The following SH3BP5 variants were observed in gnomAD, a reference collection of about 807,000 sequenced individuals.
SH3BP5 encodes SH3 domain-binding protein 5.
Under a neutral mutation model 43.3 loss-of-function variants are expected in SH3BP5, and 22 were observed. That is an observed-to-expected ratio of 0.51 (90% CI 0.36 to 0.73). SH3BP5 has a LOEUF of 0.73. Ranked by LOEUF, SH3BP5 falls within the 30% of genes least tolerant of loss-of-function variation. The pLI, the probability that SH3BP5 is intolerant of heterozygous loss-of-function variation, is 0.00. For missense variants in SH3BP5, 529 were observed against 586.9 expected, an observed-to-expected ratio of 0.90 and a Z score of 1.02; for synonymous variants, 255 against 225.8, an observed-to-expected ratio of 1.13 and a Z score of -1.16.
intron 3 of SH3BP5, among the ~76,000 whole-genome samples, chr3:15,290,943 CAG>C (rs1697395791): frequency 6.6e-6 from 1 of 151,974 alleles, no homozygotes; most frequent in African/African-American, 2.4e-5. Flanking sequence ...CTGGAGAAGA[CAG>C]GGGAAGACAC....
At chr3:15,296,372 C>T (rs1697573169) in intron 3 of SH3BP5, among the ~76,000 whole-genome samples, 1 of 139,834 alleles carries the variant, frequency 7.2e-6, no homozygotes, top group South Asian at 2.3e-4. Context: ...ACACACACCC[C>T]TATCCAGGTC....
At chr3:15,322,540 C>G (rs960732582) in intron 2 of SH3BP5, among the ~76,000 whole-genome samples, 1 of 152,130 alleles carries the variant, frequency 6.6e-6, no homozygotes, top group African/African-American at 2.4e-5. Context: ...TCAGTCTGTC[C>G]AAGAACAGCC....
Position 15,285,398 on chromosome 3 carries a change from T to A in SH3BP5, c.331-15521A>T, listed in dbSNP as rs137987557. Among the ~76,000 whole-genome samples the A allele has an allele frequency of 9.3e-4, 142 of 152,324 alleles. 2 individuals carry two copies. Among genetic ancestry groups the A allele is most frequent in the Middle Eastern group, 3.4e-3 (1 of 292 alleles). ...AGATCTAACTCATTCCCCGCTCCGC[T>A]CAACCTCACCCCTTCCAAGCTGGGC... On this transcript the variant is annotated intron_variant, in intron 3 of 8. Coordinates refer to ENST00000383791, the MANE Select transcript of SH3BP5 (RefSeq NM_004844.5).
At chr3:15,294,330 T>TGCGC (rs71045148) in intron 3 of SH3BP5, among the ~76,000 whole-genome samples, 1,674 of 121,498 alleles carry the variant, frequency 0.014, 25 homozygotes, top group Non-Finnish European at 0.015. Context: ...TGTGTGTGTG[T>TGCGC]GCGCGCGCAT....
chr3:15,323,163 T>G (rs568031791), intron 2 of SH3BP5, among the ~76,000 whole-genome samples: 6 of 144,056 alleles, frequency 4.2e-5, no homozygotes, highest in African/African-American at 7.7e-5. Flanking sequence ...AATAAATAAA[T>G]AAAGCAGGGC....
At chr3:15,311,323 T>C (rs1187692525) in intron 2 of SH3BP5, among the ~76,000 whole-genome samples, 1 of 152,124 alleles carries the variant, frequency 6.6e-6, no homozygotes, top group Non-Finnish European at 1.5e-5. Context: ...CCCAGCACTT[T>C]GGGAGGCTGC....
intron 2 of SH3BP5, among the ~76,000 whole-genome samples, chr3:15,312,609 G>C (rs1019763166): frequency 6.6e-6 from 1 of 152,128 alleles, no homozygotes; most frequent in African/African-American, 2.4e-5. Context: ...AGCAGTTGTT[G>C]CTTCTCAGAT....
intron 1 of SH3BP5, chr3:15,339,684 T>A (rs1698740593): frequency 6.6e-6 from 1 of 152,048 alleles, no homozygotes; most frequent in African/African-American, 2.4e-5. Flanking sequence ...CACTCCAGCC[T>A]GGGTGACAGA....
chr3:15,293,805 C>A (rs1398284499), intron 3 of SH3BP5, among the ~76,000 whole-genome samples: 1 of 152,104 alleles, frequency 6.6e-6, no homozygotes, highest in Non-Finnish European at 1.5e-5. Flanking sequence ...AGGCCGGACG[C>A]AGTGGCTCAC....
intron 2 of SH3BP5, among the ~76,000 whole-genome samples, chr3:15,312,496 C>T (rs910057054): frequency 6.6e-6 from 1 of 152,156 alleles, no homozygotes; most frequent in African/African-American, 2.4e-5. Context: ...GGGGGACCTG[C>T]AGCCAAAAAA....
chr3:15,272,858 G>T (rs1407638042), intron 3 of SH3BP5, among the ~76,000 whole-genome samples: 1 of 152,196 alleles, frequency 6.6e-6, no homozygotes, highest in Non-Finnish European at 1.5e-5. Flanking sequence ...CCTGGGACCA[G>T]TCGCCCACTT....
At chr3:15,332,892 A>G (rs73027568), upstream of SH3BP5, among the ~76,000 whole-genome samples, 23,897 of 152,214 alleles carry the variant, frequency 0.16, 1,966 homozygotes, top group Middle Eastern at 0.22. Context: ...TTCACACTGA[A>G]GTCGCCTTCT....
chr3:15,330,844 T>A (rs1227538449), intron 1 of SH3BP5: 26 of 579,956 alleles, frequency 4.5e-5, no homozygotes, highest in Middle Eastern at 8.6e-4. Flanking sequence ...TGCCTTCAGG[T>A]AAACCCCACC....
upstream of SH3BP5, chr3:15,332,943 T>C: frequency 2.3e-6 from 1 of 432,758 alleles, no homozygotes; most frequent in African/African-American, 2.1e-5. Flanking sequence ...GGACCAAGAC[T>C]TGCCGAAACC....
intron 5 of SH3BP5, among the ~76,000 whole-genome samples, chr3:15,261,331 TG>T (rs1315992046): frequency 6.6e-6 from 1 of 152,136 alleles, no homozygotes. Flanking sequence ...GTGAAGGTAC[TG>T]GGGGGTAGTA....
intron 3 of SH3BP5, chr3:15,273,009 G>T: frequency 7.9e-6 from 3 of 378,974 alleles, no homozygotes; most frequent in Non-Finnish European, 1.1e-5. Flanking sequence ...TGTGAGGACA[G>T]CCCTGCAGGG....
chr3:15,317,238 G>A (rs956958743), intron 2 of SH3BP5, among the ~76,000 whole-genome samples: 8 of 152,158 alleles, frequency 5.3e-5, no homozygotes, highest in African/African-American at 1.9e-4. Context: ...TTAGAATCAG[G>A]GCGATATGGC....
chr3:15,332,353 G>T lies in SH3BP5; in HGVS notation c.56C>A (p.Pro19His). ...RSEEPAEILP[P>H]ARDEEEEEEE... ...CTCCTCCTCCTCCTCGTCCCGGGCA[G>T]GCGGCAGGATTTCGGCTGGCTCCTC... is the stretch of plus-strand genomic sequence containing the variant. The change falls in exon 1 of 9, where the codon CCT (proline) becomes CAT (histidine). Residue 19 changes from proline to histidine, a missense_variant. Coordinates refer to ENST00000383791, the MANE Select transcript of SH3BP5 (RefSeq NM_004844.5). The T allele has an allele frequency of 1.9e-6, 3 of 1,541,858 alleles. No individual in the cohort carries two copies. The highest frequency in any genetic ancestry group is 2.7e-5 in the African/African-American group (2 of 73,306).
chr3:15,334,965 A>G (rs532034495), upstream of SH3BP5, among the ~76,000 whole-genome samples: 2 of 151,480 alleles, frequency 1.3e-5, no homozygotes, highest in Admixed American at 6.6e-5. Context: ...AAATATATAT[A>G]TATAAATAAT....
Sources: allele counts gnomAD v4.1 joint callset (sites outside exome capture counted in the v4.1 genomes callset), GRCh38; gene constraint gnomAD v4.1.1; transcripts MANE v1.5; gene names NCBI Gene and HGNC (gene_info 2026-07-23, HGNC 2026-07-21).